Variants in RAP2A observed in about 807,000 individuals in gnomAD.
The protein encoded by RAP2A is ras-related protein Rap-2a.
In RAP2A, 5 loss-of-function variants were observed where a neutral mutation model predicts 15.1. That is an observed-to-expected ratio of 0.33 (90% CI 0.17 to 0.70). The LOEUF (loss-of-function observed/expected upper bound fraction) is 0.70, where lower values mean the gene tolerates loss of function less well. RAP2A is among the 30% of genes least tolerant of loss of function. RAP2A has a pLI of 0.68. For missense variants in RAP2A, 111 were observed against 240.3 expected, an observed-to-expected ratio of 0.46 and a Z score of 3.56; for synonymous variants, 110 against 99.7, an observed-to-expected ratio of 1.10 and a Z score of -0.62.
rs1255837620 is a variant in RAP2A, at chr13:97,467,920, T to TCC, written c.*3478_*3479insCC. The TCC allele has an allele frequency of 2.0e-5, 3 of 152,668 alleles. No homozygotes were observed. The highest frequency in any genetic ancestry group is 1.5e-5 in the Non-Finnish European group (1 of 68,044). 9.5% of individuals were successfully genotyped at this position (152,668 alleles called of 1,614,324 possible). On this transcript the variant is annotated 3_prime_UTR_variant, in exon 2 of 2. Transcript: ENST00000245304. Reference sequence around the variant, plus strand: ...TTTCAATTAAAACATGAATTGTAGTTATAACTCAATGCAAATTCAACAGTT... The same window carrying TCC: ...TTTCAATTAAAACATGAATTGTAGTTCCATAACTCAATGCAAATTCAACAGTT...
In RAP2A at chr13:97,450,317, T is replaced by C. The variant is rs368259413; in HGVS notation, c.315-13888T>C. 2.3e-4 allele frequency among the ~76,000 whole-genome samples: 35 copies of C among 152,330 alleles called. 1 individual carries two copies. The highest frequency in any genetic ancestry group is 8.2e-4 in the African/African-American group (34 of 41,574). ...TAGCAGTTTCAAATAACTTGCCTATTCCTGAGTAACTGACTCAATTTAATC... is the reference window on the plus strand; with the variant it reads ...TAGCAGTTTCAAATAACTTGCCTATCCCTGAGTAACTGACTCAATTTAATC... On this transcript the variant is annotated intron_variant, in intron 1 of 1. Transcript: ENST00000245304.
Position 97,447,646 on chromosome 13 carries a change from G to GA in RAP2A, c.314+12863dup, listed in dbSNP as rs535672629. Among the ~76,000 whole-genome samples, 6 of 152,338 alleles carry GA rather than the reference G, an allele frequency of 3.9e-5. No individual in the cohort carries two copies. The South Asian group carries it at 1.0e-3, about 26-fold the overall frequency. ...TAAAGAAAAATAATAAAGCATTTTA[G>GA]ATAGTGTACATCCAAAAATGCGTTT... is the stretch of plus-strand genomic sequence containing the variant. On this transcript the variant is annotated intron_variant, in intron 1 of 1. Coordinates refer to ENST00000245304, the MANE Select transcript of RAP2A (RefSeq NM_021033.7).
chr13:97,434,875 C>G, intron 1 of RAP2A, 91 bp downstream of exon 1: 1 of 1,527,844 alleles, frequency 6.5e-7, no homozygotes, highest in Non-Finnish European at 8.8e-7. Context: ...GGGGAAGGGG[C>G]TTTCTGGGGG....
In RAP2A at chr13:97,466,026, G is replaced by A. The variant is rs1379864685; in HGVS notation, c.*1584G>A. ...AGAGTGTGTGTTTGTGTGTGCATGT[G>A]TGTTTATTGTTCCTAAGAATTTGGC... is the stretch of plus-strand genomic sequence containing the variant. On this transcript the variant is annotated 3_prime_UTR_variant, in exon 2 of 2. Coordinates refer to ENST00000245304, the MANE Select transcript of RAP2A (RefSeq NM_021033.7). 1 of 152,124 alleles carries A rather than the reference G, an allele frequency of 6.6e-6. No homozygotes were observed. Among genetic ancestry groups the A allele is most frequent in the East Asian group, 1.9e-4 (1 of 5,196 alleles). 9.4% of individuals were successfully genotyped at this position (152,124 alleles called of 1,614,324 possible).
chr13:97,447,706 T>A (rs1876941203), intron 1 of RAP2A, among the ~76,000 whole-genome samples: 1 of 152,174 alleles, frequency 6.6e-6, no homozygotes, highest in South Asian at 2.1e-4. Flanking sequence ...TTGCATTGAT[T>A]TTGTGACATT....
intron 1 of RAP2A, among the ~76,000 whole-genome samples, chr13:97,448,936 T>C (rs560145907): frequency 6.6e-6 from 1 of 152,132 alleles, no homozygotes; most frequent in Non-Finnish European, 1.5e-5. Flanking sequence ...GGAGGAGGGA[T>C]CCCAGGTGCA....
At chr13:97,441,822 GTT>G (rs1433414267) in intron 1 of RAP2A, 3 of 441,264 alleles carry the variant, frequency 6.8e-6, no homozygotes, top group African/African-American at 6.1e-5. Context: ...AGTAATAAGA[GTT>G]TGAATACGAG....
intron 1 of RAP2A, among the ~76,000 whole-genome samples, chr13:97,449,168 T>A (rs74105468): frequency 0.034 from 5,121 of 152,256 alleles, 283 homozygotes; most frequent in African/African-American, 0.12. Context: ...CCTGGAAACC[T>A]CCTTGTCTGC....
intron 1 of RAP2A, among the ~76,000 whole-genome samples, chr13:97,457,401 G>A (rs781628054): frequency 3.3e-5 from 5 of 151,622 alleles, no homozygotes; most frequent in Non-Finnish European, 5.9e-5. Context: ...ATTAAATTAC[G>A]GTACAGTTAT....
chr13:97,459,340 T>C lies in RAP2A; in HGVS notation c.315-4865T>C, dbSNP rs1281441788. Among the ~76,000 whole-genome samples the C allele has an allele frequency of 4.6e-5, 7 of 151,954 alleles. No homozygotes were observed. The East Asian group carries it at 1.3e-3, about 29-fold the overall frequency. On this transcript the variant is annotated intron_variant, in intron 1 of 1. Coordinates refer to ENST00000245304, the MANE Select transcript of RAP2A (RefSeq NM_021033.7). ...CAACCTGCAAAACTGATAATGAAAA[T>C]AGAACATGAAAGTAACTGTCATCAC...
At chr13:97,438,991 G>A (rs1328550076) in intron 1 of RAP2A, among the ~76,000 whole-genome samples, 3 of 152,140 alleles carry the variant, frequency 2.0e-5, no homozygotes, top group East Asian at 1.9e-4. Context: ...CCTTCAGCTC[G>A]AACTTTCTGT....
In RAP2A at chr13:97,451,831, G is replaced by A. The variant is rs575780940; in HGVS notation, c.315-12374G>A. 1.7e-4 allele frequency among the ~76,000 whole-genome samples: 25 copies of A among 151,236 alleles called. 1 individual carries two copies. Among genetic ancestry groups the A allele is most frequent in the Non-Finnish European group, 3.1e-4 (21 of 67,766 alleles). The stretch of plus-strand genomic sequence containing the variant: ...CAGTCTTTTTAATTTTAATCAATCC[G>A]ATAGGATTCTAGGAACCTCAGTGTG... On this transcript the variant is annotated intron_variant, in intron 1 of 1. Transcript: ENST00000245304.
At chr13:97,439,777 C>T (rs2066649332) in intron 1 of RAP2A, among the ~76,000 whole-genome samples, 1 of 152,120 alleles carries the variant, frequency 6.6e-6, no homozygotes, top group Non-Finnish European at 1.5e-5. Flanking sequence ...AAGGATAGAA[C>T]TCGAGAGTTG....
In RAP2A at chr13:97,465,068, A is replaced by G. The variant is rs2066764710; in HGVS notation, c.*626A>G. 6.6e-6 allele frequency: 1 copy of G among 152,272 alleles called. No homozygotes were observed. The highest frequency in any genetic ancestry group is 2.1e-4 in the South Asian group (1 of 4,832). 9.4% of individuals were successfully genotyped at this position (152,272 alleles called of 1,614,324 possible). On this transcript the variant is annotated 3_prime_UTR_variant, in exon 2 of 2. Transcript: ENST00000245304. ...GAACTAACTCATGCTTCAATCCTTG[A>G]TAGAGCAAAACTCAGAACAGGTTAT...
Position 97,467,378 on chromosome 13 carries a change from C to T in RAP2A, c.*2936C>T, listed in dbSNP as rs796337798. ...TTTGGTTTGTAGAATTAGGACTGAA[C>T]TTTTGACTCAAATTGCTACAGTTGC... On this transcript the variant is annotated 3_prime_UTR_variant, in exon 2 of 2. Transcript: ENST00000245304. 1.4e-4 allele frequency: 22 copies of T among 152,694 alleles called. No homozygotes were observed. Among genetic ancestry groups the T allele is most frequent in the African/African-American group, 4.8e-4 (20 of 41,568 alleles). 9.5% of individuals were successfully genotyped at this position (152,694 alleles called of 1,614,324 possible).
intron 1 of RAP2A, among the ~76,000 whole-genome samples, chr13:97,459,880 G>A (rs754741542): frequency 6.6e-6 from 1 of 152,220 alleles, no homozygotes; most frequent in Non-Finnish European, 1.5e-5. Flanking sequence ...GTCCATTGAT[G>A]TAAGTGTCTA....
chr13:97,442,997 G>C (rs886820386), intron 1 of RAP2A, among the ~76,000 whole-genome samples: 3 of 152,168 alleles, frequency 2.0e-5, no homozygotes, highest in Admixed American at 1.3e-4. Flanking sequence ...AGTAATTCAA[G>C]ATAACTTTTG....
At position 97,464,625 on chromosome 13, in the gene RAP2A, A is replaced by T. The variant is rs1452159182; in HGVS notation, c.*183A>T. 1 of 621,560 alleles carries T rather than the reference A, an allele frequency of 1.6e-6. No homozygotes were observed. Among genetic ancestry groups the T allele is most frequent in the Non-Finnish European group, 2.8e-6 (1 of 356,286 alleles). 38.5% of individuals were successfully genotyped at this position (621,560 alleles called of 1,614,324 possible). ...TGAGTAACATTTGGGTTCAGTAACT[A>T]CAGTTTTCACCATTTGTCCTCAGTC... On this transcript the variant is annotated 3_prime_UTR_variant, in exon 2 of 2. Coordinates refer to ENST00000245304, the MANE Select transcript of RAP2A (RefSeq NM_021033.7).
At chr13:97,441,593 G>A (rs895665150) in intron 1 of RAP2A, among the ~76,000 whole-genome samples, 1 of 151,786 alleles carries the variant, frequency 6.6e-6, no homozygotes, top group African/African-American at 2.4e-5. Flanking sequence ...TTTTTTCAGG[G>A]GTATTTTTTT....
Sources: gnomAD v4.1 joint callset for allele counts (sites outside exome capture counted in the v4.1 genomes callset) on GRCh38, gnomAD v4.1.1 for gene constraint, MANE v1.5 for transcripts, NCBI Gene and HGNC (gene_info 2026-07-23, HGNC 2026-07-21) for gene names.